LINGO2: variants seen among roughly 807,000 people sequenced by gnomAD.
The protein encoded by LINGO2 is leucine rich repeat and Ig domain containing 2, also known as leucine-rich repeat and immunoglobulin-like domain-containing nogo receptor-interacting protein 2.
Under a neutral mutation model 30.6 loss-of-function variants are expected in LINGO2, and 14 were observed. The observed-to-expected ratio is 0.46, with a 90% CI of 0.30 to 0.72. The LOEUF is 0.72. LINGO2 is among the 30% of genes least tolerant of loss of function. The pLI is 0.07. For synonymous variants in LINGO2, 317 were observed against 288.5 expected (o/e 1.10, Z -1.00); for missense variants, 729 against 751.7 (o/e 0.97, Z 0.35).
chr9:28,315,136 C>G (rs1824792949), intron 3 of LINGO2, among the ~76,000 whole-genome samples: 1 of 149,710 alleles, frequency 6.7e-6, no homozygotes, highest in East Asian at 2.0e-4. Context: ...AAAAAAGAGA[C>G]ACACTCGCCT....
intron 1 of LINGO2, among the ~76,000 whole-genome samples, chr9:28,587,018 C>G (rs10114434): frequency 0.59 from 88,978 of 151,736 alleles, 26,484 homozygotes; most frequent in East Asian, 0.69. Flanking sequence ...TAGTTATAGA[C>G]AGATGGGATT....
chr9:28,672,133 G>A (rs1029393150), upstream of LINGO2, among the ~76,000 whole-genome samples: 2 of 152,056 alleles, frequency 1.3e-5, no homozygotes, highest in African/African-American at 4.8e-5. Flanking sequence ...CCATTAGGGG[G>A]AAACAGACTT....
chr9:29,035,602 T>C, the LINGO2 span, among the ~76,000 whole-genome samples: 1 of 73,334 alleles, frequency 1.4e-5, no homozygotes, highest in Non-Finnish European at 2.7e-5. Context: ...GTGCAGAAGC[T>C]TGAAGTCAAA....
the LINGO2 span, among the ~76,000 whole-genome samples, chr9:28,807,884 A>C: frequency 6.6e-6 from 1 of 152,182 alleles, no homozygotes; most frequent in Non-Finnish European, 1.5e-5. Context: ...AGTGTCTAAC[A>C]AATAGTAAGA....
At chr9:28,220,901 A>C (rs1421619421) in intron 4 of LINGO2, among the ~76,000 whole-genome samples, 1 of 152,208 alleles carries the variant, frequency 6.6e-6, no homozygotes, top group Non-Finnish European at 1.5e-5. Flanking sequence ...GGGTCAAATA[A>C]AGATGTCAAT....
the LINGO2 span, among the ~76,000 whole-genome samples, chr9:28,925,275 A>G: frequency 6.6e-6 from 1 of 152,228 alleles, no homozygotes; most frequent in Non-Finnish European, 1.5e-5. Context: ...CCTTTCTGCT[A>G]AGAATATCTT....
the LINGO2 span, among the ~76,000 whole-genome samples, chr9:28,913,424 C>T: frequency 6.6e-6 from 1 of 152,012 alleles, no homozygotes; most frequent in Non-Finnish European, 1.5e-5. Context: ...TTAAATCATA[C>T]TCAATGAAAT....
chr9:28,275,745 A>G (rs1823094085), intron 4 of LINGO2, among the ~76,000 whole-genome samples: 1 of 152,248 alleles, frequency 6.6e-6, no homozygotes, highest in East Asian at 1.9e-4. Flanking sequence ...ATATCATGTA[A>G]GAAACTAATT....
rs1424229663 is a variant in LINGO2 at position 28,062,733 on chromosome 9, A to G, written c.-86-50328T>C. Among the ~76,000 whole-genome samples, 3 of 149,946 alleles carry G rather than the reference A, an allele frequency of 2.0e-5. 1 individual carries two copies. Among genetic ancestry groups the G allele is most frequent in the Non-Finnish European group, 4.4e-5 (3 of 67,626 alleles). On this transcript the variant is annotated intron_variant, in intron 4 of 5. Transcript: ENST00000379992. Reference sequence around the variant, plus strand: ...TTCTAAATGTACTTTTTTGAATAACAGCTTTATTGAGATATAATTCACATA... The same window carrying G: ...TTCTAAATGTACTTTTTTGAATAACGGCTTTATTGAGATATAATTCACATA...
the LINGO2 span, among the ~76,000 whole-genome samples, chr9:28,922,840 T>C: frequency 6.6e-6 from 1 of 152,184 alleles, no homozygotes; most frequent in African/African-American, 2.4e-5. Flanking sequence ...GAATGTTATA[T>C]GTCAAAAAGT....
rs368415262 is a variant in LINGO2, at chr9:28,181,555, C to T, written c.-87+113653G>A. On this transcript the variant is annotated intron_variant, in intron 4 of 5. Transcript: ENST00000379992. ...AGCAATGGTGTGTTAATAAACCCTT[C>T]CAATGATTAGGATGCACATTCAAGT... Among the ~76,000 whole-genome samples, 19 of 152,200 alleles carry T rather than the reference C, an allele frequency of 1.2e-4. No individual in the cohort carries two copies. The East Asian group carries it at 2.5e-3, about 20-fold the overall frequency.
intron 4 of LINGO2, among the ~76,000 whole-genome samples, chr9:28,228,207 T>C (rs1465061866): frequency 3.9e-5 from 6 of 151,984 alleles, no homozygotes; most frequent in Non-Finnish European, 8.8e-5. Flanking sequence ...CTTTGCACAA[T>C]ATTTTGAAAG....
chr9:28,874,948 C>T, the LINGO2 span, among the ~76,000 whole-genome samples: 2 of 152,000 alleles, frequency 1.3e-5, no homozygotes, highest in Admixed American at 1.3e-4. Context: ...CTATACCATG[C>T]TAAGGCTTAA....
At chr9:28,275,504 C>G (rs1350840827) in intron 4 of LINGO2, among the ~76,000 whole-genome samples, 1 of 152,124 alleles carries the variant, frequency 6.6e-6, no homozygotes, top group Non-Finnish European at 1.5e-5. Flanking sequence ...TTTATACAAC[C>G]TATATCCTTT....
At chr9:28,321,361 A>T (rs1481276150) in intron 3 of LINGO2, among the ~76,000 whole-genome samples, 1 of 152,162 alleles carries the variant, frequency 6.6e-6, no homozygotes, top group African/African-American at 2.4e-5. Context: ...AGAAAACTGC[A>T]TATAGCCAGG....
Position 28,027,263 on chromosome 9 carries a change from C to T in LINGO2, c.-86-14858G>A, listed in dbSNP as rs565694253. ...CTTACACTAAAGCATCCCCATTTTA[C>T]GGGTGAGGAAATTGAGGTATAGAGA... On this transcript the variant is annotated intron_variant, in intron 4 of 5. Coordinates refer to ENST00000379992, the Ensembl canonical transcript of LINGO2. 1.1e-3 allele frequency among the ~76,000 whole-genome samples: 166 copies of T among 152,194 alleles called. 5 individuals are homozygous for T. The South Asian group carries it at 0.026, about 24-fold the overall frequency.
intron 4 of LINGO2, among the ~76,000 whole-genome samples, chr9:28,222,878 C>A (rs1821014998): frequency 6.6e-6 from 1 of 152,090 alleles, no homozygotes; most frequent in African/African-American, 2.4e-5. Flanking sequence ...GTAGCATTCA[C>A]TGGGGAGAGA....
chr9:28,370,765 T>A (rs1209857437), intron 3 of LINGO2, among the ~76,000 whole-genome samples: 2 of 152,204 alleles, frequency 1.3e-5, no homozygotes, highest in Non-Finnish European at 2.9e-5. Flanking sequence ...GGACGCCTCA[T>A]GTTAAGATGG....
chr9:27,989,616 A>C (rs1474448654), intron 5 of LINGO2, among the ~76,000 whole-genome samples: 1 of 151,974 alleles, frequency 6.6e-6, no homozygotes, highest in Non-Finnish European at 1.5e-5. Flanking sequence ...CACCATATAT[A>C]TAGAAACTGC....
Sources: gnomAD v4.1 joint callset for allele counts (sites outside exome capture counted in the v4.1 genomes callset) on GRCh38, gnomAD v4.1.1 for gene constraint, MANE v1.5 for transcripts, NCBI Gene and HGNC (gene_info 2026-07-23, HGNC 2026-07-21) for gene names.